Variants in CELF2 observed in about 807,000 individuals in gnomAD.
The protein encoded by CELF2 is CUG triplet repeat RNA-binding protein 2.
Under a neutral mutation model 62.6 loss-of-function variants are expected in CELF2, and 8 were observed. That is an observed-to-expected ratio of 0.13 (90% CI 0.07 to 0.23). CELF2 has a LOEUF of 0.23. Among genes scored for constraint, CELF2 ranks in the 10% least tolerant of loss-of-function variants. The pLI, the probability that CELF2 is intolerant of heterozygous loss-of-function variation, is 1.00. For missense variants in CELF2, 333 were observed against 671.0 expected (o/e 0.50, Z 5.56); for synonymous variants, 258 against 250.0 (o/e 1.03, Z -0.30).
the CELF2 span, among the ~76,000 whole-genome samples, chr10:10,493,947 C>G: frequency 6.6e-6 from 1 of 152,182 alleles, no homozygotes; most frequent in Non-Finnish European, 1.5e-5. Flanking sequence ...TGCCTCTAAC[C>G]TTCCCCTGAC....
At chr10:11,245,955 C>G (rs918465077) in intron 3 of CELF2, among the ~76,000 whole-genome samples, 5 of 152,188 alleles carry the variant, frequency 3.3e-5, no homozygotes, top group Non-Finnish European at 7.3e-5. Context: ...GTGATCCCAG[C>G]TCTGTCGTTA....
At chr10:10,658,479 T>C in the CELF2 span, among the ~76,000 whole-genome samples, 4 of 152,192 alleles carry the variant, frequency 2.6e-5, no homozygotes, top group African/African-American at 9.7e-5. Flanking sequence ...TAAGTCAACA[T>C]AAATCTATAC....
At chr10:10,723,917 A>T in the CELF2 span, among the ~76,000 whole-genome samples, 6 of 152,096 alleles carry the variant, frequency 3.9e-5, no homozygotes, top group Admixed American at 1.3e-4. Context: ...GGTTTTTTTT[A>T]AAAAAATGCA....
the CELF2 span, among the ~76,000 whole-genome samples, chr10:10,775,344 A>AT: frequency 6.6e-6 from 1 of 152,064 alleles, no homozygotes; most frequent in East Asian, 1.9e-4. Context: ...AAAGCAGGAG[A>AT]TGGAGGCCAG....
chr10:10,574,397 T>A, the CELF2 span, among the ~76,000 whole-genome samples: 1 of 152,088 alleles, frequency 6.6e-6, no homozygotes, highest in Non-Finnish European at 1.5e-5. Flanking sequence ...AAGAGATAAT[T>A]GCCTACTCCA....
At chr10:10,684,575 C>T in the CELF2 span, among the ~76,000 whole-genome samples, 2 of 152,048 alleles carry the variant, frequency 1.3e-5, no homozygotes, top group Non-Finnish European at 1.5e-5. Context: ...TGACCCCCAT[C>T]TCTACAAAAC....
At chr10:11,018,215 G>T in intron 1 of CELF2, 52 bp downstream of exon 1, 3 of 1,464,446 alleles carry the variant, frequency 2.0e-6, no homozygotes, top group Non-Finnish European at 2.7e-6. Context: ...TCCTCCCAGA[G>T]TCGGCGGCGC....
chr10:10,720,805 T>G, the CELF2 span, among the ~76,000 whole-genome samples: 1 of 152,256 alleles, frequency 6.6e-6, no homozygotes, highest in Non-Finnish European at 1.5e-5. Context: ...TGGGTGGGCT[T>G]GGCTGGGCTT....
chr10:11,181,333 T>C (rs1218857807), intron 2 of CELF2, among the ~76,000 whole-genome samples: 4 of 152,236 alleles, frequency 2.6e-5, no homozygotes, highest in Non-Finnish European at 5.9e-5. Flanking sequence ...TCGGAATGAA[T>C]ACTCCTCTCG....
the CELF2 span, among the ~76,000 whole-genome samples, chr10:10,596,295 G>T: frequency 6.6e-6 from 1 of 151,726 alleles, no homozygotes; most frequent in African/African-American, 2.4e-5. Context: ...CCACATTCAA[G>T]TCTTCATTAT....
the CELF2 span, among the ~76,000 whole-genome samples, chr10:10,649,847 G>A: frequency 1.3e-5 from 2 of 152,212 alleles, no homozygotes; most frequent in African/African-American, 4.8e-5. Context: ...AGTGATGCCT[G>A]AGAGGCTACA....
intron 1 of CELF2, among the ~76,000 whole-genome samples, chr10:11,078,211 C>T (rs1297698317): frequency 6.6e-6 from 1 of 151,282 alleles, no homozygotes; most frequent in Non-Finnish European, 1.5e-5. Flanking sequence ...CCTCCAGTTG[C>T]TGTATAATTG....
rs752050821 is a variant in CELF2 at position 10,963,909 on chromosome 10, C to T, written c.89+43910C>T. ...CCTCAATGGAGATGCCTCAGGAACA[C>T]ATTTCCTGAGTTCTCTCCATATTCA... On this transcript the variant is annotated intron_variant, in intron 2 of 13. Transcript: ENST00000636488. Among the ~76,000 whole-genome samples the T allele has an allele frequency of 5.3e-4, 81 of 152,292 alleles. 1 individual carries two copies. The highest frequency in any genetic ancestry group is 1.6e-3 in the Admixed American group (24 of 15,292).
At chr10:11,015,180 A>G (rs1014180275), upstream of CELF2, among the ~76,000 whole-genome samples, 6 of 152,198 alleles carry the variant, frequency 3.9e-5, no homozygotes, top group South Asian at 2.1e-4. The surrounding 1 kb of genome is among the most constrained non-coding windows in gnomAD (Gnocchi z 4.8). Context: ...AAATTAAAAA[A>G]GGGGCCCTGT....
Position 11,220,433 on chromosome 10 carries a change from G to A in CELF2, c.354+2926G>A, listed in dbSNP as rs1175799296. On this transcript the variant is annotated intron_variant, in intron 3 of 12. Transcript: ENST00000633077. This position sits in a 1 kb window ranked among gnomAD's most constrained non-coding sequence, Gnocchi z 4.4. The stretch of plus-strand genomic sequence containing the variant: ...GATGGTCTGTTGTGCAATCAAATGT[G>A]TCTGCCATAAGATTTTGATTTAAAG... Among the ~76,000 whole-genome samples, 2 of 152,178 alleles carry A rather than the reference G, an allele frequency of 1.3e-5. No individual in the cohort carries two copies. The highest frequency in any genetic ancestry group is 3.8e-4 in the East Asian group (2 of 5,198).
intron 5 of CELF2, among the ~76,000 whole-genome samples, chr10:11,264,632 A>T (rs2081640596): frequency 6.6e-6 from 1 of 152,246 alleles, no homozygotes; most frequent in Non-Finnish European, 1.5e-5. Context: ...AAGAGATGTT[A>T]CTTGGAAACA....
chr10:10,979,672 CAAAAAAAAAA>C (rs35482385), intron 2 of CELF2, among the ~76,000 whole-genome samples: 3 of 68,968 alleles, frequency 4.3e-5, no homozygotes, highest in East Asian at 5.3e-4. Context: ...CCTTGTCTCT[CAAAAAAAAAA>C]AAAAAAAAAA....
chr10:11,080,017 C>G (rs530692722), intron 1 of CELF2, among the ~76,000 whole-genome samples: 1 of 152,082 alleles, frequency 6.6e-6, no homozygotes, highest in South Asian at 2.1e-4. Flanking sequence ...GTGAATTGCT[C>G]TCCGGTTTAT....
intron 1 of CELF2, among the ~76,000 whole-genome samples, chr10:11,064,228 T>C (rs1485226532): frequency 6.6e-6 from 1 of 152,226 alleles, no homozygotes; most frequent in African/African-American, 2.4e-5. Context: ...GGCTAGGTTT[T>C]CCAAATCATT....
Sources: gnomAD v4.1 joint callset for allele counts (sites outside exome capture counted in the v4.1 genomes callset) on GRCh38, gnomAD v4.1.1 for gene constraint, Gnocchi (gnomAD v3.1) non-coding constraint, MANE v1.5 for transcripts, NCBI Gene and HGNC (gene_info 2026-07-23, HGNC 2026-07-21) for gene names.